DLC1: variants seen among roughly 807,000 people sequenced by gnomAD.
DLC1 encodes DLC1 Rho GTPase activating protein.
A neutral mutation model predicts 140.3 loss-of-function variants in DLC1; 54 were observed. That is an observed-to-expected ratio of 0.38 (90% confidence interval 0.31 to 0.48). The LOEUF is 0.48. Among genes scored for constraint, DLC1 ranks in the 20% least tolerant of loss-of-function variants. DLC1 has a pLI of 0.96. For missense variants in DLC1, 2,536 were observed against 1,907.0 expected (o/e 1.33, Z -6.14); for synonymous variants, 986 against 728.1 (o/e 1.35, Z -5.70).
chr8:13,319,497 C>T lies in DLC1; in HGVS notation c.1315-14195G>A, dbSNP rs537688833. Among the ~76,000 whole-genome samples, 31 of 36,738 alleles carry T rather than the reference C, an allele frequency of 8.4e-4. No individual in the cohort carries two copies. The South Asian group carries it at 0.024, about 28-fold the overall frequency. The allele number at this position is 36,738 out of a possible 152,430, so 24.1% of individuals were successfully genotyped here. On this transcript the variant is annotated intron_variant, in intron 4 of 17. Transcript: ENST00000276297. ...GGCGGGGGGGGGGGGTGGATTTCCC[C>T]CTTGCTGTTCTCCTGATAGTGAGTG...
intron 2 of DLC1, among the ~76,000 whole-genome samples, chr8:13,480,417 A>G (rs147553738): frequency 6.2e-4 from 95 of 152,312 alleles, no homozygotes; most frequent in African/African-American, 2.3e-3. Flanking sequence ...AATCTTTTAG[A>G]ACTTGATGCC....
At chr8:13,088,330 C>T (rs1817739777) in intron 16 of DLC1, among the ~76,000 whole-genome samples, 157 bp downstream of exon 16, 1 of 152,234 alleles carries the variant, frequency 6.6e-6, no homozygotes, top group South Asian at 2.1e-4. Context: ...GATCCTCCCA[C>T]CTTGGCCTCC....
At chr8:13,086,862 A>G (rs991908036) in intron 16 of DLC1, among the ~76,000 whole-genome samples, 3 of 152,050 alleles carry the variant, frequency 2.0e-5, no homozygotes, top group African/African-American at 7.2e-5. Context: ...CATCTCTACT[A>G]AAAATAAAAA....
chr8:13,313,406 C>G lies in DLC1; in HGVS notation c.1315-8104G>C, dbSNP rs78444240. Among the ~76,000 whole-genome samples the G allele has an allele frequency of 8.4e-3, 1,284 of 152,260 alleles. 23 individuals are homozygous for G. The highest frequency in any genetic ancestry group is 0.03 in the African/African-American group (1,240 of 41,534). ...AAAAAATTAGAGGTGAATATGAACACGTACAAGGTTTCTTACTGCCACTAA... is the reference window on the plus strand; with the variant it reads ...AAAAAATTAGAGGTGAATATGAACAGGTACAAGGTTTCTTACTGCCACTAA... On this transcript the variant is annotated intron_variant, in intron 4 of 17. Transcript: ENST00000276297.
intron 4 of DLC1, among the ~76,000 whole-genome samples, chr8:13,355,957 G>C (rs2117052738): frequency 6.6e-6 from 1 of 151,458 alleles, no homozygotes; most frequent in South Asian, 2.1e-4. Context: ...AGGCATAGTG[G>C]CGGGCACCTG....
intron 5 of DLC1, among the ~76,000 whole-genome samples, chr8:13,188,403 G>C (rs1214129648): frequency 1.0e-5 from 1 of 96,690 alleles, no homozygotes; most frequent in Non-Finnish European, 1.9e-5. Flanking sequence ...CTGGGTGACA[G>C]AGCAAGACTC....
intron 5 of DLC1, among the ~76,000 whole-genome samples, chr8:13,159,993 A>C (rs1453607445): frequency 1.3e-5 from 2 of 152,110 alleles, no homozygotes; most frequent in African/African-American, 4.8e-5. Flanking sequence ...CCCTGTCTAT[A>C]CTAAAAATAC....
At chr8:13,572,917 C>A (rs78540772) in intron 1 of DLC1, among the ~76,000 whole-genome samples, 1 of 152,190 alleles carries the variant, frequency 6.6e-6, no homozygotes, top group African/African-American at 2.4e-5. Context: ...AACATGGAAT[C>A]TCTATCCTTT....
chr8:13,104,373 C>T (rs1254152985), intron 7 of DLC1, among the ~76,000 whole-genome samples: 1 of 144,424 alleles, frequency 6.9e-6, no homozygotes, highest in Non-Finnish European at 1.5e-5. Context: ...AACCCAAAAC[C>T]TCATGGAGAA....
intron 5 of DLC1, among the ~76,000 whole-genome samples, chr8:13,197,641 A>G (rs934987403): frequency 2.6e-5 from 4 of 151,990 alleles, no homozygotes; most frequent in African/African-American, 7.3e-5. Context: ...CCAGCGTGCC[A>G]GGCCGATTTA....
At chr8:13,550,093 G>C (rs1254028467) in intron 1 of DLC1, among the ~76,000 whole-genome samples, 1 of 152,090 alleles carries the variant, frequency 6.6e-6, no homozygotes, top group Non-Finnish European at 1.5e-5. Context: ...CATTGATATG[G>C]TTTGGCTCTT....
At chr8:13,482,381 T>C (rs1043349139) in intron 2 of DLC1, among the ~76,000 whole-genome samples, 2 of 150,948 alleles carry the variant, frequency 1.3e-5, no homozygotes, top group African/African-American at 2.4e-5. Context: ...ATAATTTCTT[T>C]TGCCATGTGC....
chr8:13,122,276 C>A (rs977617180), intron 5 of DLC1, among the ~76,000 whole-genome samples: 1 of 152,202 alleles, frequency 6.6e-6, no homozygotes, highest in Non-Finnish European at 1.5e-5. Flanking sequence ...CCACTCAACT[C>A]TTGGAAGGCC....
At position 13,437,953 on chromosome 8, in the gene DLC1, T is replaced by C. The variant is rs118168364; in HGVS notation, c.1024-36334A>G. On this transcript the variant is annotated intron_variant, in intron 2 of 17. Coordinates refer to ENST00000276297, the MANE Select transcript of DLC1 (RefSeq NM_182643.3). ...CTGTCCAGGAAACTAAAAAAAAAAA[T>C]TGAGAAGGTTATAAGGGTCCCCAGG... 4.3e-3 allele frequency among the ~76,000 whole-genome samples: 648 copies of C among 151,798 alleles called. 6 individuals are homozygous for C. The highest frequency in any genetic ancestry group is 0.032 in the East Asian group (166 of 5,152).
chr8:13,243,182 C>T (rs567668429), intron 5 of DLC1, among the ~76,000 whole-genome samples: 5 of 150,280 alleles, frequency 3.3e-5, no homozygotes, highest in Admixed American at 6.7e-5. Context: ...CCCAGCTACT[C>T]GGGAGACTGA....
chr8:13,536,686 C>G (rs1678591210), intron 1 of DLC1, among the ~76,000 whole-genome samples: 1 of 152,166 alleles, frequency 6.6e-6, no homozygotes, highest in East Asian at 1.9e-4. Context: ...CAAGCAGTCT[C>G]CTGATTTCAA....
chr8:13,357,548 T>C (rs947344521), intron 4 of DLC1, among the ~76,000 whole-genome samples: 2 of 152,228 alleles, frequency 1.3e-5, no homozygotes, highest in Non-Finnish European at 1.5e-5. Context: ...CTCTGAACTC[T>C]GGCACATTCT....
At chr8:13,381,616 C>T (rs1836266185) in intron 4 of DLC1, among the ~76,000 whole-genome samples, 1 of 152,176 alleles carries the variant, frequency 6.6e-6, no homozygotes, top group African/African-American at 2.4e-5. Flanking sequence ...TTGGTTGCTT[C>T]ACAGAGAGAT....
intron 4 of DLC1, among the ~76,000 whole-genome samples, chr8:13,389,966 A>C (rs550384761): frequency 6.6e-6 from 1 of 152,312 alleles, no homozygotes; most frequent in East Asian, 1.9e-4. Context: ...TGTTCATGGT[A>C]AAAAGAACAG....
Sources: allele counts gnomAD v4.1 joint callset (sites outside exome capture counted in the v4.1 genomes callset), GRCh38; gene constraint gnomAD v4.1.1; transcripts MANE v1.5; gene names NCBI Gene and HGNC (gene_info 2026-07-23, HGNC 2026-07-21).